Variants in DDHD2 observed in about 807,000 individuals in gnomAD.
The protein encoded by DDHD2 is triacylglycerol hydrolase DDHD2.
A neutral mutation model predicts 91.2 loss-of-function variants in DDHD2; 62 were observed. That is an observed-to-expected ratio of 0.68 (90% CI 0.55 to 0.84). The LOEUF (loss-of-function observed/expected upper bound fraction) is 0.84, where lower values mean the gene tolerates loss of function less well. Ranked by LOEUF, DDHD2 falls within the 40% of genes least tolerant of loss-of-function variation. The pLI is 0.00. For synonymous variants in DDHD2, 271 were observed against 293.9 expected, an observed-to-expected ratio of 0.92 and a Z score of 0.80; for missense variants, 740 against 846.9, an observed-to-expected ratio of 0.87 and a Z score of 1.57.
chr8:38,268,621 C>G, intron 1 of DDHD2: 2 of 1,440,884 alleles, frequency 1.4e-6, no homozygotes, highest in Non-Finnish European at 1.8e-6. Context: ...TGAACAGCAG[C>G]GCCCGTGCGG....
intron 2 of DDHD2, among the ~76,000 whole-genome samples, 171 bp from the exon 3 acceptor site, chr8:38,234,223 A>G (rs1384665128): frequency 6.6e-6 from 1 of 152,186 alleles, no homozygotes; most frequent in East Asian, 1.9e-4. Flanking sequence ...CGGTTTGTAA[A>G]GTAGGTAGTG....
At chr8:38,247,477 T>C in intron 9 of DDHD2, 1 of 256,884 alleles carries the variant, frequency 3.9e-6, no homozygotes, top group Non-Finnish European at 7.3e-6. Context: ...TGAGCTCCCT[T>C]AAAATTCAGC....
At chr8:38,249,175 C>T (rs1269108211) in intron 10 of DDHD2, among the ~76,000 whole-genome samples, 3 of 151,568 alleles carry the variant, frequency 2.0e-5, no homozygotes, top group South Asian at 2.1e-4. Flanking sequence ...TGCAGTGGCG[C>T]GATCTCGGCT....
intron 7 of DDHD2, among the ~76,000 whole-genome samples, chr8:38,243,042 T>C (rs1360361665): frequency 6.6e-6 from 1 of 152,182 alleles, no homozygotes; most frequent in African/African-American, 2.4e-5. Flanking sequence ...GTCTCAGAAA[T>C]GGCTTTTCTG....
chr8:38,237,240 G>T (rs888204465), intron 3 of DDHD2, among the ~76,000 whole-genome samples: 1 of 152,008 alleles, frequency 6.6e-6, no homozygotes, highest in Non-Finnish European at 1.5e-5. Context: ...GCCGAATGTG[G>T]TGGCGGGTGC....
Position 38,240,281 on chromosome 8 carries a change from C to T in DDHD2, c.629C>T (p.Pro210Leu). The T allele has an allele frequency of 6.3e-7, 1 of 1,599,994 alleles. No homozygotes were observed. Among genetic ancestry groups the T allele is most frequent in the Non-Finnish European group, 8.6e-7 (1 of 1,169,092 alleles). Residue 210 changes from proline to leucine, a missense_variant, in exon 6 of 18, where the codon CCT (proline) becomes CTT (leucine). By Grantham distance (98) the Pro-to-Leu change is moderately conservative (BLOSUM62 -3). Around this residue, in one of 2 missense-constraint regions of DDHD2, gnomAD observed 693 missense variants for 764.2 expected, o/e 0.91. Transcript: ENST00000397166. Reference sequence around the variant, plus strand: ...TTTTTAATTTCATTTATAGGAGAACCTTTACAAATAGATCACTTGGTTTTT... The same window carrying T: ...TTTTTAATTTCATTTATAGGAGAACTTTTACAAATAGATCACTTGGTTTTT... ...NISVDIHCGE[P>L]LQIDHLVFVV...
At chr8:38,269,225 G>A in intron 1 of DDHD2, 1 of 1,468,166 alleles carries the variant, frequency 6.8e-7, no homozygotes, top group East Asian at 2.9e-5. Flanking sequence ...GAGCGACGCT[G>A]CGCTGACGTG....
intron 6 of DDHD2, among the ~76,000 whole-genome samples, chr8:38,240,922 T>C (rs1805204520): frequency 6.6e-6 from 1 of 152,044 alleles, no homozygotes; most frequent in African/African-American, 2.4e-5. Context: ...AATACAAAAA[T>C]TAGCCGGGCG....
At chr8:38,232,482 A>T (rs893031699) in intron 1 of DDHD2, among the ~76,000 whole-genome samples, 1 of 152,266 alleles carries the variant, frequency 6.6e-6, no homozygotes, top group Non-Finnish European at 1.5e-5. Context: ...GACTTCAAGG[A>T]TCCATCAAAA....
intron 9 of DDHD2, 75 bp downstream of exon 9, chr8:38,246,375 G>T: frequency 8.6e-7 from 1 of 1,160,254 alleles, no homozygotes; most frequent in African/African-American, 1.6e-5. Flanking sequence ...CTTATTTTTT[G>T]TTTTTAGCTG....
At chr8:38,241,914 C>G (rs947015744) in intron 6 of DDHD2, 58 of 198,806 alleles carry the variant, frequency 2.9e-4, no homozygotes, top group African/African-American at 1.2e-3. Flanking sequence ...ATTAGCTGGG[C>G]ATGGTGGTAT....
At position 38,260,157 on chromosome 8, in the gene DDHD2, A is replaced by G. The variant is rs1417982411; in HGVS notation, c.*26+10A>G. 7.5e-7 allele frequency: 1 copy of G among 1,340,848 alleles called. No individual in the cohort carries two copies. The highest frequency in any genetic ancestry group is 2.3e-5 in the East Asian group (1 of 43,540). 83.1% of individuals were successfully genotyped at this position (1,340,848 alleles called of 1,614,324 possible). ...TCTATGGCTGCTTAATGTAAGTTTT[A>G]AAATGTCATATATATAGTGTAATTC... On this transcript the variant is annotated intron_variant, in intron 17 of 17. Transcript: ENST00000397166.
chr8:38,232,579 C>A (rs985827524), intron 1 of DDHD2, among the ~76,000 whole-genome samples: 1 of 152,250 alleles, frequency 6.6e-6, no homozygotes, highest in Non-Finnish European at 1.5e-5. Context: ...AGCCCAAAAC[C>A]TTGGCGTTAC....
At position 38,253,718 on chromosome 8, in the gene DDHD2, G is replaced by A. The variant is rs1563313460; in HGVS notation, c.2054G>A (p.Trp685Ter). Reference sequence around the variant, plus strand: ...GCTTTACAAAGCCATCTATGCTACTGGTAAATGTTGTTTATTTTTGTCTGT... The same window carrying A: ...GCTTTACAAAGCCATCTATGCTACTAGTAAATGTTGTTTATTTTTGTCTGT... The part of the protein sequence containing the change: ...LFALQSHLCY[W>*]ESEDTVLLVL... Residue 685 changes from tryptophan (W) to a stop codon, truncating the protein, a stop_gained and splice_region_variant, in exon 16 of 18, where the codon TGG becomes TAG. Coordinates refer to ENST00000397166, the MANE Select transcript of DDHD2 (RefSeq NM_015214.3). LOFTEE classifies it high-confidence loss of function. 6.2e-7 allele frequency: 1 copy of A among 1,611,000 alleles called. No homozygotes were observed. Among genetic ancestry groups the A allele is most frequent in the Non-Finnish European group, 8.5e-7 (1 of 1,178,918 alleles).
At chr8:38,267,841 G>C (rs536614958) in intron 1 of DDHD2, 1 of 1,526,438 alleles carries the variant, frequency 6.6e-7, no homozygotes, top group South Asian at 1.1e-5. Context: ...TAACCTCTCT[G>C]TTCTGGTGGG....
intron 16 of DDHD2, among the ~76,000 whole-genome samples, chr8:38,255,158 G>A (rs1237791585): frequency 2.1e-5 from 3 of 141,618 alleles, no homozygotes; most frequent in Non-Finnish European, 3.0e-5. Flanking sequence ...CACGGCCACC[G>A]CAGTCCAGCC....
chr8:38,248,370 G>GTTT (rs371675401), intron 10 of DDHD2, among the ~76,000 whole-genome samples: 13 of 107,126 alleles, frequency 1.2e-4, no homozygotes, highest in Non-Finnish European at 2.5e-4. Context: ...CAGCTGATTT[G>GTTT]TTTTTTTTTT....
At chr8:38,269,281 C>G in intron 1 of DDHD2, 2 of 1,297,034 alleles carry the variant, frequency 1.5e-6, no homozygotes, top group South Asian at 1.8e-5. Flanking sequence ...GCACCGCCCC[C>G]TCTCCCAGTT....
intron 1 of DDHD2, chr8:38,268,508 ACT>A: frequency 6.5e-7 from 1 of 1,545,640 alleles, no homozygotes; most frequent in Non-Finnish European, 8.7e-7. Flanking sequence ...AAAAAGCCAC[ACT>A]CGTGCTCCTA....
Sources: gnomAD v4.1 joint callset for allele counts (sites outside exome capture counted in the v4.1 genomes callset) on GRCh38, gnomAD v4.1.1 for gene constraint, gnomAD v4.1.1 regional missense constraint, MANE v1.5 for transcripts, NCBI Gene and HGNC (gene_info 2026-07-23, HGNC 2026-07-21) for gene names.